The following CHST13 variants were observed in gnomAD, a reference collection of about 807,000 sequenced individuals.
The protein encoded by CHST13 is carbohydrate sulfotransferase 13, also known as C4ST-3.
Under a neutral mutation model 7.0 loss-of-function variants are expected in CHST13, and 1 was observed. The ratio of observed to expected loss-of-function variants is 0.14; its 90% CI spans 0.05 to 0.68. CHST13 has a LOEUF of 0.68. CHST13 is among the 30% of genes least tolerant of loss of function. The probability of loss-of-function intolerance (pLI) is 0.82; values close to 1 mark genes in which losing one functional copy is unlikely to be tolerated. For synonymous variants in CHST13, 257 were observed against 240.9 expected (o/e 1.07, Z -0.62); for missense variants, 572 against 507.9 (o/e 1.13, Z -1.21).
chr3:126,542,331 G>C lies in CHST13; in HGVS notation c.779G>C (p.Arg260Pro), dbSNP rs751763090. ...AHALCHPCRL[R>P]YDVVGKFETL... ...GCGCTCTGCCACCCGTGTCGCCTCC[G>C]CTACGACGTCGTGGGCAAGTTCGAG... The change falls in exon 3 of 3, where the codon CGC (arginine) becomes CCC (proline). Residue 260 changes from arginine to proline, a missense_variant. Arg to Pro is a moderately radical substitution (Grantham distance 103, BLOSUM62 -2). Coordinates refer to ENST00000319340, the MANE Select transcript of CHST13 (RefSeq NM_152889.3). 2 of 1,567,066 alleles carry C rather than the reference G, an allele frequency of 1.3e-6. No homozygotes were observed. Among genetic ancestry groups the C allele is most frequent in the Non-Finnish European group, 1.7e-6 (2 of 1,159,170 alleles).
intron 1 of CHST13, among the ~76,000 whole-genome samples, chr3:126,526,495 C>T (rs1178436377): frequency 6.6e-6 from 1 of 152,142 alleles, no homozygotes; most frequent in Non-Finnish European, 1.5e-5. Flanking sequence ...CAGCACTGTC[C>T]CCTCCTTCTC....
At chr3:126,526,479 C>G (rs1376855859) in intron 1 of CHST13, among the ~76,000 whole-genome samples, 1 of 152,172 alleles carries the variant, frequency 6.6e-6, no homozygotes, top group African/African-American at 2.4e-5. Context: ...CCCAGGAGGG[C>G]AGGCCCAGCA....
chr3:126,542,331 G>A lies in CHST13; in HGVS notation c.779G>A (p.Arg260His), dbSNP rs751763090. 6.4e-7 allele frequency: 1 copy of A among 1,567,064 alleles called. No homozygotes were observed. Among genetic ancestry groups the A allele is most frequent in the Non-Finnish European group, 8.6e-7 (1 of 1,159,170 alleles). Residue 260 changes from arginine (R) to histidine (H), a missense_variant, in exon 3 of 3, where the codon CGC becomes CAC. Arg to His is a conservative substitution (Grantham distance 29). Transcript: ENST00000319340. ...AHALCHPCRLRYDVVGKFETL... is the reference protein window; with the variant it reads ...AHALCHPCRLHYDVVGKFETL... ...GCGCTCTGCCACCCGTGTCGCCTCCGCTACGACGTCGTGGGCAAGTTCGAG... is the reference window on the plus strand; with the variant it reads ...GCGCTCTGCCACCCGTGTCGCCTCCACTACGACGTCGTGGGCAAGTTCGAG...
In CHST13 at chr3:126,542,398, C is replaced by A. The variant is rs368566139; in HGVS notation, c.846C>A (p.Gly282=). 13 of 1,550,896 alleles carry A rather than the reference C, an allele frequency of 8.4e-6. No homozygotes were observed. In the African/African-American group the frequency reaches 1.1e-4, roughly 13 times the overall value. Reference sequence around the variant, plus strand: ...CGGCCTTCGTGCTGGGCCTGGCGGGCGCATCCGACCTGAGCTTCCCTGGGC... The same window carrying A: ...CGGCCTTCGTGCTGGGCCTGGCGGGAGCATCCGACCTGAGCTTCCCTGGGC... ...EDAAFVLGLA[G]ASDLSFPGPP... is the part of the protein sequence containing the mutation. Residue 282 remains glycine, a synonymous_variant, in exon 3 of 3, where the codon GGC becomes GGA. Coordinates refer to ENST00000319340, the MANE Select transcript of CHST13 (RefSeq NM_152889.3).
rs1936490803 is a variant in CHST13 at position 126,524,272 on chromosome 3, A to C, written c.-61A>C. ...CGCTGCCGGGGCCGGGTCCTGGGCC[A>C]GTGCAACTCCGCCCCCAGCCGTATC... On this transcript the variant is annotated 5_prime_UTR_variant, in exon 1 of 3. Coordinates refer to ENST00000319340, the MANE Select transcript of CHST13 (RefSeq NM_152889.3). 4.2e-6 allele frequency: 5 copies of C among 1,190,534 alleles called. No homozygotes were observed. The highest frequency in any genetic ancestry group is 5.2e-6 in the Non-Finnish European group (5 of 956,396). 73.7% of individuals were successfully genotyped at this position (1,190,534 alleles called of 1,614,324 possible).
intron 1 of CHST13, among the ~76,000 whole-genome samples, chr3:126,525,671 C>T (rs1936524277): frequency 6.6e-6 from 1 of 152,112 alleles, no homozygotes; most frequent in Non-Finnish European, 1.5e-5. Context: ...AGTACTAAGA[C>T]AGGGCAGAAC....
At chr3:126,532,006 A>G (rs1470022704) in intron 1 of CHST13, among the ~76,000 whole-genome samples, 1 of 152,142 alleles carries the variant, frequency 6.6e-6, no homozygotes, top group Admixed American at 6.5e-5. Flanking sequence ...GTTGATTTCT[A>G]TTTCACTAAT....
chr3:126,525,036 C>T (rs549533262), intron 1 of CHST13, among the ~76,000 whole-genome samples: 45 of 152,268 alleles, frequency 3.0e-4, no homozygotes, highest in Admixed American at 9.1e-4. Flanking sequence ...CTGAGTCTCT[C>T]CTCAGCTCAT....
intron 1 of CHST13, 71 bp from the exon 2 acceptor site, chr3:126,536,200 G>A: frequency 7.3e-7 from 1 of 1,362,344 alleles, no homozygotes; most frequent in Non-Finnish European, 1.0e-6. Context: ...GCCTAGATGG[G>A]TTGGCCAAAC....
In CHST13 at chr3:126,542,637, G is replaced by A. The variant is rs1367864414; in HGVS notation, c.*59G>A. ...GTGCCTTTCCGACAAGACCCCCGGG[G>A]AATGCAGGTGCTGCCGGCCCCAGGA... On this transcript the variant is annotated 3_prime_UTR_variant, in exon 3 of 3. Coordinates refer to ENST00000319340, the MANE Select transcript of CHST13 (RefSeq NM_152889.3). 2.1e-6 allele frequency: 3 copies of A among 1,411,526 alleles called. No homozygotes were observed. Among genetic ancestry groups the A allele is most frequent in the African/African-American group, 3.0e-5 (2 of 65,938 alleles). The allele number at this position is 1,411,526 out of a possible 1,614,324, so 87.4% of individuals were successfully genotyped here.
chr3:126,532,347 C>T (rs910000319), intron 1 of CHST13, among the ~76,000 whole-genome samples: 2 of 152,312 alleles, frequency 1.3e-5, no homozygotes, highest in Admixed American at 6.5e-5. Flanking sequence ...ATCACCTAAT[C>T]CAAGGTCATG....
At position 126,524,355 on chromosome 3, in the gene CHST13, G is replaced by T. The variant is rs911892115; in HGVS notation, c.23G>T (p.Arg8Leu). Residue 8 changes from arginine (R) to leucine (L), a missense_variant, in exon 1 of 3, where the codon CGG (arginine) becomes CTG (leucine). Physicochemically the swap from Arg to Leu is moderately radical, Grantham distance 102 (BLOSUM62 -2). Coordinates refer to ENST00000319340, the MANE Select transcript of CHST13 (RefSeq NM_152889.3). Reference sequence around the variant, plus strand: ...AGCATGGGGAGGCGCTGCTGCCGGCGGCGCGTGCTGGCGGCCGCCTGTCTG... The same window carrying T: ...AGCATGGGGAGGCGCTGCTGCCGGCTGCGCGTGCTGGCGGCCGCCTGTCTG... MGRRCCR[R>L]RVLAAACLGA... 1.6e-6 allele frequency: 2 copies of T among 1,234,606 alleles called. No individual in the cohort carries two copies. Among genetic ancestry groups the T allele is most frequent in the Middle Eastern group, 3.1e-4 (1 of 3,210 alleles). The allele number at this position is 1,234,606 out of a possible 1,614,324, so 76.5% of individuals were successfully genotyped here.
intron 1 of CHST13, among the ~76,000 whole-genome samples, chr3:126,526,780 C>T (rs543011940): frequency 1.3e-5 from 2 of 152,336 alleles, no homozygotes; most frequent in South Asian, 2.1e-4. Context: ...AGCACTGCTG[C>T]CCTCATCACC....
Position 126,538,223 on chromosome 3 carries a change from G to A in CHST13, c.180+1870G>A, listed in dbSNP as rs543266329. ...AGCTGCTCGGAGACTGGCAGCCCACGGTTCAGCAGCAGCCAGCTGCCCACC... is the reference window on the plus strand; with the variant it reads ...AGCTGCTCGGAGACTGGCAGCCCACAGTTCAGCAGCAGCCAGCTGCCCACC... On this transcript the variant is annotated intron_variant, in intron 2 of 2. Coordinates refer to ENST00000319340, the MANE Select transcript of CHST13 (RefSeq NM_152889.3). 4.6e-5 allele frequency among the ~76,000 whole-genome samples: 7 copies of A among 152,346 alleles called. No homozygotes were observed. In the South Asian group the frequency reaches 1.2e-3, roughly 27 times the overall value.
intron 2 of CHST13, among the ~76,000 whole-genome samples, chr3:126,536,896 AACACACACACAC>A (rs10670471): frequency 2.1e-5 from 3 of 140,488 alleles, no homozygotes; most frequent in East Asian, 2.2e-4. Flanking sequence ...CACACACACA[AACACACACACAC>A]ACACACACAC....
intron 1 of CHST13, chr3:126,527,417 C>T (rs1936557724): frequency 6.6e-6 from 1 of 152,314 alleles, no homozygotes; most frequent in African/African-American, 2.4e-5. Flanking sequence ...TTTAGCTTTT[C>T]TCTGCCATAG....
chr3:126,542,642 C>T lies in CHST13; in HGVS notation c.*64C>T, dbSNP rs1034632198. On this transcript the variant is annotated 3_prime_UTR_variant, in exon 3 of 3. Transcript: ENST00000319340. ...TTTCCGACAAGACCCCCGGGGAATGCAGGTGCTGCCGGCCCCAGGACCCCT... is the reference window on the plus strand; with the variant it reads ...TTTCCGACAAGACCCCCGGGGAATGTAGGTGCTGCCGGCCCCAGGACCCCT... 2.8e-6 allele frequency: 4 copies of T among 1,403,522 alleles called. No individual in the cohort carries two copies. Among genetic ancestry groups the T allele is most frequent in the Non-Finnish European group, 3.7e-6 (4 of 1,078,240 alleles). 86.9% of individuals were successfully genotyped at this position (1,403,522 alleles called of 1,614,324 possible).
chr3:126,531,245 G>A (rs1576748367), intron 1 of CHST13, among the ~76,000 whole-genome samples: 1 of 152,328 alleles, frequency 6.6e-6, no homozygotes, highest in Non-Finnish European at 1.5e-5. Flanking sequence ...GGTGGGGCCC[G>A]GGATTCTTGA....
chr3:126,539,985 C>A (rs2107572371), intron 2 of CHST13, among the ~76,000 whole-genome samples: 1 of 147,110 alleles, frequency 6.8e-6, no homozygotes, highest in Middle Eastern at 3.4e-3. Flanking sequence ...GCCACACACG[C>A]ATGACACACA....
Sources: gnomAD v4.1 joint callset for allele counts (sites outside exome capture counted in the v4.1 genomes callset) on GRCh38, gnomAD v4.1.1 for gene constraint, MANE v1.5 for transcripts, NCBI Gene and HGNC (gene_info 2026-07-23, HGNC 2026-07-21) for gene names.